Variants in BID observed in about 807,000 individuals in gnomAD.
The protein encoded by BID is BH3 interacting domain death agonist, also known as BH3-interacting domain death agonist.
A neutral mutation model predicts 17.4 loss-of-function variants in BID; 19 were observed. The ratio of observed to expected loss-of-function variants is 1.09; its 90% CI spans 0.76 to 1.60. The LOEUF (loss-of-function observed/expected upper bound fraction) is 1.60. BID is among the 40% of genes most tolerant of loss of function. The probability of loss-of-function intolerance (pLI) is 0.00; values close to 1 mark genes in which losing one functional copy is unlikely to be tolerated. For missense variants in BID, 226 were observed against 256.0 expected, an observed-to-expected ratio of 0.88 and a Z score of 0.80; for synonymous variants, 108 against 102.8, an observed-to-expected ratio of 1.05 and a Z score of -0.31.
intron 2 of BID, among the ~76,000 whole-genome samples, chr22:17,749,225 C>CA (rs2061518711): frequency 6.6e-6 from 1 of 152,092 alleles, no homozygotes; most frequent in Admixed American, 6.5e-5. Context: ...TGGGAGAGAG[C>CA]ACCCGTGTGC....
At chr22:17,752,855 C>T (rs370929069) in intron 1 of BID, among the ~76,000 whole-genome samples, 9 of 151,698 alleles carry the variant, frequency 5.9e-5, no homozygotes, top group East Asian at 5.8e-4. Context: ...TTCGTACAGA[C>T]GGGGTTTCAC....
rs373153872 is a variant in BID, at chr22:17,735,376, C to T, written c.*204G>A. The T allele has an allele frequency of 6.7e-6, 4 of 598,732 alleles. No individual in the cohort carries two copies. The highest frequency in any genetic ancestry group is 8.8e-6 in the Non-Finnish European group (3 of 342,406). The allele number at this position is 598,732 out of a possible 1,614,324, so 37.1% of individuals were successfully genotyped here. ...GGCCATTCAAATACGTGTAAATGGACATTTTCATTCAAGTATATTAATGTA... is the reference window on the plus strand; with the variant it reads ...GGCCATTCAAATACGTGTAAATGGATATTTTCATTCAAGTATATTAATGTA... On this transcript the variant is annotated 3_prime_UTR_variant, in exon 6 of 6. Transcript: ENST00000622694.
At chr22:17,766,282 C>CTTT (rs71201884) in intron 1 of BID, among the ~76,000 whole-genome samples, 21 of 135,142 alleles carry the variant, frequency 1.6e-4, no homozygotes, top group African/African-American at 4.6e-4. Flanking sequence ...TTCTTTCTTT[C>CTTT]TTTTTTTTTT....
chr22:17,756,494 T>TTCTTTC (rs1454070298), intron 1 of BID, among the ~76,000 whole-genome samples: 75 of 136,910 alleles, frequency 5.5e-4, no homozygotes, highest in Middle Eastern at 3.6e-3. Flanking sequence ...CTTTCTTTCT[T>TTCTTTC]TCTCTCTCTC....
chr22:17,739,065 GTC>G (rs1253250136), intron 4 of BID, among the ~76,000 whole-genome samples: 2 of 152,230 alleles, frequency 1.3e-5, no homozygotes, highest in African/African-American at 4.8e-5. Context: ...CAAAGGAAGC[GTC>G]TGTTTCTTCT....
chr22:17,750,155 C>T lies in BID; in HGVS notation c.-39G>A, dbSNP rs977477055. ...CGGCAGCTCCGACTCACTCCTGGTT[C>T]ACAGTGTCCCAGTGGCGACCTGGAA... On this transcript the variant is annotated 5_prime_UTR_variant, in exon 2 of 6. Coordinates refer to ENST00000622694, the MANE Select transcript of BID (RefSeq NM_001196.4). 2 of 1,613,138 alleles carry T rather than the reference C, an allele frequency of 1.2e-6. No individual in the cohort carries two copies. The highest frequency in any genetic ancestry group is 1.3e-5 in the African/African-American group (1 of 75,066).
chr22:17,766,883 C>A (rs905411259), intron 1 of BID, among the ~76,000 whole-genome samples: 3 of 151,974 alleles, frequency 2.0e-5, no homozygotes, highest in African/African-American at 7.2e-5. Context: ...AGCCACCATG[C>A]CCGGCCAAGA....
chr22:17,767,764 G>T (rs929615332), intron 1 of BID, among the ~76,000 whole-genome samples: 1 of 152,140 alleles, frequency 6.6e-6, no homozygotes. Context: ...GAGAGAAAAC[G>T]GAGAAACAGC....
At position 17,773,530 on chromosome 22, in the gene BID, T is replaced by A; in HGVS notation, c.-59+851A>T. On this transcript the variant is annotated intron_variant, in intron 1 of 5. Coordinates refer to ENST00000622694, the MANE Select transcript of BID (RefSeq NM_001196.4). This position sits in a 1 kb window ranked among gnomAD's most constrained non-coding sequence, Gnocchi z 4.4. ...GGTGGAAGAGCTCTGGGTGGGTCCA[T>A]CTGCTCCTCACCTGCCCCAACCCTG... The A allele has an allele frequency of 6.8e-7, 1 of 1,476,948 alleles. No individual in the cohort carries two copies. 91.5% of individuals were successfully genotyped at this position (1,476,948 alleles called of 1,614,324 possible).
chr22:17,739,558 A>G, intron 3 of BID, 70 bp from the exon 4 acceptor site: 1 of 1,543,514 alleles, frequency 6.5e-7, no homozygotes, highest in Non-Finnish European at 8.7e-7. Flanking sequence ...CTCCCACACC[A>G]CCCTGCCCCG....
In BID at chr22:17,773,481, A is replaced by G. The variant is rs190605432; in HGVS notation, c.-59+900T>C. Reference sequence around the variant, plus strand: ...GGACTGAGGGTGTGGATAAGGCTCCAGGAAGGGGGTGCAAGCCTGAGAAGG... The same window carrying G: ...GGACTGAGGGTGTGGATAAGGCTCCGGGAAGGGGGTGCAAGCCTGAGAAGG... On this transcript the variant is annotated intron_variant, in intron 1 of 5. Transcript: ENST00000622694. This position sits in a 1 kb window ranked among gnomAD's most constrained non-coding sequence, Gnocchi z 4.4. 64 of 938,156 alleles carry G rather than the reference A, an allele frequency of 6.8e-5. No individual in the cohort carries two copies. The East Asian group carries it at 1.6e-3, about 23-fold the overall frequency. 58.1% of individuals were successfully genotyped at this position (938,156 alleles called of 1,614,324 possible). A position where few individuals can be genotyped will look rare whatever the true frequency, so the allele number is the denominator to read the frequency against.
Position 17,743,968 on chromosome 22 carries a change from G to C in BID, c.58C>G (p.Leu20Val). The part of the protein sequence containing the change: ...SLRDECITNL[L>V]VFGFLQSCSD... Reference sequence around the variant, plus strand: ...CAGCTTTGGAGGAAGCCAAACACCAGTAGGTTTGTGATGCACTCATCCCTG... The same window carrying C: ...CAGCTTTGGAGGAAGCCAAACACCACTAGGTTTGTGATGCACTCATCCCTG... The change falls in exon 3 of 6, where the codon CTG becomes GTG. Residue 20 changes from leucine (L) to valine (V), a missense_variant. By Grantham distance (32) the Leu-to-Val change is conservative. Transcript: ENST00000622694. The C allele has an allele frequency of 8.7e-6, 14 of 1,614,068 alleles. No homozygotes were observed. Among genetic ancestry groups the C allele is most frequent in the Non-Finnish European group, 1.1e-5 (13 of 1,180,032 alleles).
intron 1 of BID, among the ~76,000 whole-genome samples, chr22:17,771,292 G>C (rs67330875): frequency 2.0e-5 from 3 of 152,012 alleles, no homozygotes; most frequent in Non-Finnish European, 4.4e-5. Flanking sequence ...GTAGAGACGG[G>C]GTTTCAACGT....
chr22:17,737,676 AG>A (rs2061429781), intron 5 of BID, among the ~76,000 whole-genome samples: 1 of 152,180 alleles, frequency 6.6e-6, no homozygotes, highest in South Asian at 2.1e-4. Flanking sequence ...GCAAGGTGAG[AG>A]GTCTGAAAAG....
chr22:17,759,213 GAA>G (rs1303768462), intron 1 of BID, among the ~76,000 whole-genome samples: 1 of 100,780 alleles, frequency 9.9e-6, no homozygotes, highest in Non-Finnish European at 2.0e-5. Flanking sequence ...CCTGGCGACA[GAA>G]AAAGACTCCG....
At chr22:17,763,019 G>GGCAT (rs1310857125) in intron 1 of BID, among the ~76,000 whole-genome samples, 1 of 151,844 alleles carries the variant, frequency 6.6e-6, no homozygotes, top group African/African-American at 2.4e-5. Flanking sequence ...TGGGACTACA[G>GGCAT]GCATGCACCA....
At position 17,774,371 on chromosome 22, in the gene BID, GT is replaced by G; in HGVS notation, c.-59+9del. ...GGCGCGTACCCCGGGAGGGGCGCGG[GT>G]GCACTCACCACCCTCCAGCCGCGGG... is the stretch of plus-strand genomic sequence containing the variant. On this transcript the variant is annotated intron_variant, in intron 1 of 5. Coordinates refer to ENST00000622694, the MANE Select transcript of BID (RefSeq NM_001196.4). The G allele has an allele frequency of 5.3e-6, 1 of 189,572 alleles. No homozygotes were observed. The highest frequency in any genetic ancestry group is 1.1e-5 in the Non-Finnish European group (1 of 87,834). 11.7% of individuals were successfully genotyped at this position (189,572 alleles called of 1,614,324 possible). A position where few individuals can be genotyped will look rare whatever the true frequency, so the allele number is the denominator to read the frequency against.
chr22:17,750,592 GC>G (rs1343658626), intron 1 of BID, among the ~76,000 whole-genome samples: 1 of 152,240 alleles, frequency 6.6e-6, no homozygotes, highest in Non-Finnish European at 1.5e-5. Flanking sequence ...ACTTTGGGAG[GC>G]CGAGGCGGGT....
intron 2 of BID, among the ~76,000 whole-genome samples, chr22:17,748,439 C>T (rs1454710727): frequency 6.6e-6 from 1 of 151,598 alleles, no homozygotes; most frequent in Non-Finnish European, 1.5e-5. Context: ...ACCCGGGAGG[C>T]GGAGCCTGCA....
Sources: gnomAD v4.1 joint callset for allele counts (sites outside exome capture counted in the v4.1 genomes callset) on GRCh38, gnomAD v4.1.1 for gene constraint, Gnocchi (gnomAD v3.1) non-coding constraint, MANE v1.5 for transcripts, NCBI Gene and HGNC (gene_info 2026-07-23, HGNC 2026-07-21) for gene names.